DLGAP1: variants seen among roughly 807,000 people sequenced by gnomAD.
DLGAP1 encodes disks large-associated protein 1.
In DLGAP1, 11 loss-of-function variants were observed where a neutral mutation model predicts 90.8. That is an observed-to-expected ratio of 0.12 (90% CI 0.08 to 0.20). DLGAP1 has a LOEUF of 0.20. DLGAP1 is among the 10% of genes least tolerant of loss of function. The pLI is 1.00. For missense variants in DLGAP1, 1,050 were observed against 1,333.8 expected, an observed-to-expected ratio of 0.79 and a Z score of 3.31; for synonymous variants, 558 against 540.7, an observed-to-expected ratio of 1.03 and a Z score of -0.44.
chr18:3,534,277 A>T lies in DLGAP1; in HGVS notation c.2396T>A (p.Leu799His). The change falls in exon 10 of 13, where the codon CTT becomes CAT. Residue 799 changes from leucine (L) to histidine (H), a missense_variant. By Grantham distance (99) the Leu-to-His change is moderately conservative. Around this residue, in one of 2 missense-constraint regions of DLGAP1, gnomAD observed 565 missense variants for 879.7 expected, o/e 0.64. Coordinates refer to ENST00000315677, the MANE Select transcript of DLGAP1 (RefSeq NM_004746.4). ...CHRDGHWFLK[L>H]LQAERDRMEG... ...CATGCGGTCTCGCTCTGCCTGGAGA[A>T]GCTTCAGGAACCAGTGGCCATCCCG... 1 of 1,614,218 alleles carries T rather than the reference A, an allele frequency of 6.2e-7. No homozygotes were observed. The highest frequency in any genetic ancestry group is 8.5e-7 in the Non-Finnish European group (1 of 1,180,038).
At chr18:4,380,178 G>C (rs1477619921) in intron 1 of DLGAP1, among the ~76,000 whole-genome samples, 1 of 152,112 alleles carries the variant, frequency 6.6e-6, no homozygotes, top group Non-Finnish European at 1.5e-5. Flanking sequence ...ATAATGAGGA[G>C]TAATATCACA....
rs576950765 is a variant in DLGAP1 at position 4,188,939 on chromosome 18, G to T, written c.-266-37652C>A. ...TTACTCACTGGATTTCTTTACTGGA[G>T]ATATTTTTGAATGATGTTGTCATCA... On this transcript the variant is annotated intron_variant, in intron 1 of 12. Coordinates refer to ENST00000315677, the MANE Select transcript of DLGAP1 (RefSeq NM_004746.4). 1.2e-4 allele frequency among the ~76,000 whole-genome samples: 19 copies of T among 152,138 alleles called. 1 individual carries two copies. In the East Asian group the frequency reaches 2.9e-3, roughly 23 times the overall value.
At chr18:3,803,198 C>T (rs573130037) in intron 5 of DLGAP1, among the ~76,000 whole-genome samples, 2 of 152,250 alleles carry the variant, frequency 1.3e-5, no homozygotes, top group Middle Eastern at 3.4e-3. Context: ...CTGGACCCCC[C>T]CTAGCATTGT....
At chr18:4,346,330 G>A (rs1263337591) in intron 1 of DLGAP1, among the ~76,000 whole-genome samples, 1 of 151,972 alleles carries the variant, frequency 6.6e-6, no homozygotes, top group East Asian at 1.9e-4. Context: ...TCGTATTTAA[G>A]GGCAAGCTAT....
chr18:3,771,730 C>T (rs2064560234), intron 5 of DLGAP1, among the ~76,000 whole-genome samples: 1 of 152,128 alleles, frequency 6.6e-6, no homozygotes, highest in Non-Finnish European at 1.5e-5. Context: ...AAAGGCTCTC[C>T]TTCAACGGAT....
rs149555620 is a variant in DLGAP1 at position 4,049,084 on chromosome 18, G to A, written c.-158-43883C>T. On this transcript the variant is annotated intron_variant, in intron 2 of 12. Coordinates refer to ENST00000315677, the MANE Select transcript of DLGAP1 (RefSeq NM_004746.4). ...TCTACTAAAAACACAAAAATTAGCTGGGTGTGGTGGCACATCTCTGTAGTT... is the reference window on the plus strand; with the variant it reads ...TCTACTAAAAACACAAAAATTAGCTAGGTGTGGTGGCACATCTCTGTAGTT... 7.1e-3 allele frequency among the ~76,000 whole-genome samples: 1,073 copies of A among 152,054 alleles called. 3 individuals are homozygous for A. The highest frequency in any genetic ancestry group is 0.013 in the Non-Finnish European group (866 of 67,970).
At chr18:3,818,487 G>A (rs1264123220) in intron 4 of DLGAP1, among the ~76,000 whole-genome samples, 1 of 151,196 alleles carries the variant, frequency 6.6e-6, no homozygotes, top group Non-Finnish European at 1.5e-5. Flanking sequence ...AGCTTCTTGA[G>A]TAGCTAGAAT....
chr18:3,867,042 CG>C (rs2070436210), intron 4 of DLGAP1, among the ~76,000 whole-genome samples: 1 of 152,038 alleles, frequency 6.6e-6, no homozygotes, highest in African/African-American at 2.4e-5. Flanking sequence ...TTAGTAGAGA[CG>C]GGGTTTCACT....
rs141452978 is a variant in DLGAP1, at chr18:3,577,674, C to T, written c.1965+4201G>A. Among the ~76,000 whole-genome samples, 335 of 152,312 alleles carry T rather than the reference C, an allele frequency of 2.2e-3. 2 individuals are homozygous for T. Among genetic ancestry groups the T allele is most frequent in the African/African-American group, 6.4e-3 (266 of 41,556 alleles). On this transcript the variant is annotated intron_variant, in intron 8 of 12. Coordinates refer to ENST00000315677, the MANE Select transcript of DLGAP1 (RefSeq NM_004746.4). ...GTTCTCTGCCTGGTCCAAGCCTCAT[C>T]CCCACTGGTCCTAGAACTGCCAGCT...
chr18:4,014,134 G>A (rs1599327443), intron 2 of DLGAP1, among the ~76,000 whole-genome samples: 1 of 142,690 alleles, frequency 7.0e-6, no homozygotes, highest in Non-Finnish European at 1.5e-5. Context: ...CGCCCAGGCT[G>A]GAGTGGAGTG....
chr18:3,853,882 T>C lies in DLGAP1; in HGVS notation c.957+25230A>G, dbSNP rs113878871. Among the ~76,000 whole-genome samples, 1,481 of 152,310 alleles carry C rather than the reference T, an allele frequency of 9.7e-3. 12 individuals are homozygous for C. Among genetic ancestry groups the C allele is most frequent in the Middle Eastern group, 0.034 (10 of 294 alleles). ...ATAGATTTAATATCTACTGCATATA[T>C]ATCCACGGCCCTTTTTTCATTTCTG... On this transcript the variant is annotated intron_variant, in intron 4 of 12. Coordinates refer to ENST00000315677, the MANE Select transcript of DLGAP1 (RefSeq NM_004746.4).
rs547954339 is a variant in DLGAP1 at position 3,889,106 on chromosome 18, C to T, written c.-72-8966G>A. On this transcript the variant is annotated intron_variant, in intron 3 of 12. Coordinates refer to ENST00000315677, the MANE Select transcript of DLGAP1 (RefSeq NM_004746.4). Reference sequence around the variant, plus strand: ...CACAGAGAAGAGAAAAACCCATCAGCGTTTACTCCAAAAAAAGTTGGGAAA... The same window carrying T: ...CACAGAGAAGAGAAAAACCCATCAGTGTTTACTCCAAAAAAAGTTGGGAAA... Among the ~76,000 whole-genome samples the T allele has an allele frequency of 2.4e-4, 36 of 152,098 alleles. 1 individual carries two copies. The Middle Eastern group carries it at 0.01, about 43-fold the overall frequency.
intron 9 of DLGAP1, among the ~76,000 whole-genome samples, chr18:3,535,120 T>TG (rs1215277797): frequency 7.5e-6 from 1 of 133,756 alleles, no homozygotes; most frequent in Non-Finnish European, 1.6e-5. Flanking sequence ...GTGTTGGGGG[T>TG]GGTGGTGGCA....
intron 5 of DLGAP1, among the ~76,000 whole-genome samples, chr18:3,804,853 G>C (rs115473470): frequency 6.6e-6 from 1 of 152,200 alleles, no homozygotes; most frequent in Non-Finnish European, 1.5e-5. Flanking sequence ...TCCTACACGA[G>C]GGACAGAGAA....
At chr18:4,441,801 C>T (rs1044443095) in intron 1 of DLGAP1, among the ~76,000 whole-genome samples, 4 of 152,148 alleles carry the variant, frequency 2.6e-5, no homozygotes, top group Non-Finnish European at 4.4e-5. Flanking sequence ...GTTATCAATT[C>T]GGCAATACAA....
At position 4,096,293 on chromosome 18, in the gene DLGAP1, G is replaced by T. The variant is rs181079448; in HGVS notation, c.-159+54887C>A. ...TCCCACCTCGGCCTCCCAAAGTGCTGGGATTACAGGCGTGAGCCACTGCGC... is the reference window on the plus strand; with the variant it reads ...TCCCACCTCGGCCTCCCAAAGTGCTTGGATTACAGGCGTGAGCCACTGCGC... On this transcript the variant is annotated intron_variant, in intron 2 of 12. Coordinates refer to ENST00000315677, the MANE Select transcript of DLGAP1 (RefSeq NM_004746.4). Among the ~76,000 whole-genome samples the T allele has an allele frequency of 5.7e-3, 868 of 152,238 alleles. 12 individuals are homozygous for T. The highest frequency in any genetic ancestry group is 0.02 in the African/African-American group (836 of 41,536).
chr18:4,326,718 G>A (rs2080826529), intron 1 of DLGAP1, among the ~76,000 whole-genome samples: 1 of 151,932 alleles, frequency 6.6e-6, no homozygotes, highest in East Asian at 1.9e-4. Context: ...TGCATTTGTG[G>A]GAGACCATTA....
intron 7 of DLGAP1, among the ~76,000 whole-genome samples, chr18:3,586,808 G>T (rs756062293): frequency 4.6e-5 from 7 of 152,072 alleles, no homozygotes; most frequent in Non-Finnish European, 8.8e-5. Flanking sequence ...TCTCCTAAGG[G>T]TATTTTGTTT....
chr18:3,929,082 A>G (rs573763181), intron 3 of DLGAP1, among the ~76,000 whole-genome samples: 1 of 152,148 alleles, frequency 6.6e-6, no homozygotes, highest in South Asian at 2.1e-4. Context: ...AAGTTTCCTG[A>G]GGTCTCCCAG....
Sources: gnomAD v4.1 joint callset for allele counts (sites outside exome capture counted in the v4.1 genomes callset) on GRCh38, gnomAD v4.1.1 for gene constraint, gnomAD v4.1.1 regional missense constraint, MANE v1.5 for transcripts, NCBI Gene and HGNC (gene_info 2026-07-23, HGNC 2026-07-21) for gene names.